Variants in ZBTB21 observed in about 807,000 individuals in gnomAD.
The protein encoded by ZBTB21 is zinc finger and BTB domain-containing protein 21.
ZBTB21 carries 10 observed loss-of-function variants against 39.8 expected under a neutral mutation model. The observed-to-expected ratio is 0.25, with a 90% CI of 0.16 to 0.43. The LOEUF is 0.43. Among genes scored for constraint, ZBTB21 ranks in the 20% least tolerant of loss-of-function variants. ZBTB21 has a pLI of 1.00. For missense variants in ZBTB21, 1,221 were observed against 1,296.3 expected, an observed-to-expected ratio of 0.94 and a Z score of 0.89; for synonymous variants, 551 against 498.8, an observed-to-expected ratio of 1.10 and a Z score of -1.40.
chr21:42,007,819 C>A (rs2065898624), intron 1 of ZBTB21: 1 of 152,264 alleles, frequency 6.6e-6, no homozygotes, highest in African/African-American at 2.4e-5. Flanking sequence ...GACTGGCTCA[C>A]CTTTATTTCT....
chr21:42,010,146 AATC>A, intron 1 of ZBTB21, 103 bp downstream of exon 1: 1 of 388,576 alleles, frequency 2.6e-6, no homozygotes. Flanking sequence ...AGAGGAGAGA[AATC>A]ACCTCAGAGT....
rs1233347313 is a variant in ZBTB21, at chr21:42,010,319, C to CGCCGCT, written c.-152_-147dup. The CGCCGCT allele has an allele frequency of 5.0e-6, 2 of 398,282 alleles. No homozygotes were observed. The highest frequency in any genetic ancestry group is 3.6e-5 in the East Asian group (1 of 28,044). The allele number at this position is 398,282 out of a possible 1,614,324, so 24.7% of individuals were successfully genotyped here. A position where few individuals can be genotyped will look rare whatever the true frequency, so the allele number is the denominator to read the frequency against. On this transcript the variant is annotated 5_prime_UTR_variant, in exon 1 of 3. Coordinates refer to ENST00000310826, the MANE Select transcript of ZBTB21 (RefSeq NM_001098402.2). ...ACACTCGGCTCGCGCGCGCCGCAGC[C>CGCCGCT]GCCGCTGCCGCTGTGATTCCATCCA...
chr21:42,008,533 ACT>A (rs1176066221), intron 1 of ZBTB21, among the ~76,000 whole-genome samples: 1 of 124,038 alleles, frequency 8.1e-6, no homozygotes, highest in Non-Finnish European at 1.7e-5. Flanking sequence ...CAAGAGTGAA[ACT>A]CTGTCAAAAA....
At chr21:42,009,005 G>A (rs1401831596) in intron 1 of ZBTB21, among the ~76,000 whole-genome samples, 1 of 152,124 alleles carries the variant, frequency 6.6e-6, no homozygotes, top group Non-Finnish European at 1.5e-5. Flanking sequence ...CTTAAACAAG[G>A]TATGAGGACC....
In ZBTB21 at chr21:41,989,333, A is replaced by C. The variant is rs2065619976; in HGVS notation, c.*1562T>G. 1 of 152,110 alleles carries C rather than the reference A, an allele frequency of 6.6e-6. No individual in the cohort carries two copies. Among genetic ancestry groups the C allele is most frequent in the Admixed American group, 6.5e-5 (1 of 15,282 alleles). 9.4% of individuals were successfully genotyped at this position (152,110 alleles called of 1,614,324 possible). A position where few individuals can be genotyped will look rare whatever the true frequency, so the allele number is the denominator to read the frequency against. On this transcript the variant is annotated 3_prime_UTR_variant, in exon 3 of 3. Coordinates refer to ENST00000310826, the MANE Select transcript of ZBTB21 (RefSeq NM_001098402.2). ...CCACTGGTATGGAATGTTGGCAATAAGATTGATGGGTACAGAGTTATTTTC... is the reference window on the plus strand; with the variant it reads ...CCACTGGTATGGAATGTTGGCAATACGATTGATGGGTACAGAGTTATTTTC...
intron 2 of ZBTB21, among the ~76,000 whole-genome samples, chr21:41,994,949 C>G (rs927965685): frequency 5.9e-5 from 9 of 152,226 alleles, no homozygotes; most frequent in African/African-American, 2.2e-4. Context: ...CACAAGTTCT[C>G]TCTTCCCTGC....
At position 41,992,695 on chromosome 21, in the gene ZBTB21, A is replaced by G. The variant is rs753001911; in HGVS notation, c.1401T>C (p.Ser467=). 8 of 1,614,054 alleles carry G rather than the reference A, an allele frequency of 5.0e-6. No individual in the cohort carries two copies. The East Asian group carries it at 1.6e-4, about 31-fold the overall frequency. The part of the protein sequence containing the change: ...ASSSSVTRDL[S]LKTEDDQKDM... ...CTTTTTGGTCATCTTCTGTTTTCAG[A>G]GACAGGTCTCTTGTGACCGACGAAG... The change falls in exon 3 of 3, where the codon TCT becomes TCC. Residue 467 remains serine (S), a synonymous_variant. Coordinates refer to ENST00000310826, the MANE Select transcript of ZBTB21 (RefSeq NM_001098402.2). The surrounding 1 kb of genome is among the most constrained non-coding windows in gnomAD (Gnocchi z 4.1).
intron 1 of ZBTB21, among the ~76,000 whole-genome samples, chr21:42,003,782 G>C (rs142911166): frequency 6.6e-6 from 1 of 152,260 alleles, no homozygotes. Flanking sequence ...TAATACTAAA[G>C]GTTCCATTCT....
chr21:42,006,797 C>T lies in ZBTB21; in HGVS notation c.-79+3455G>A, dbSNP rs149535771. 5.1e-4 allele frequency among the ~76,000 whole-genome samples: 77 copies of T among 152,260 alleles called. 2 individuals are homozygous for T. In the East Asian group the frequency reaches 0.013, roughly 25 times the overall value. On this transcript the variant is annotated intron_variant, in intron 1 of 2. Transcript: ENST00000310826. ...GTTAAAATGAGGGCTTTAGGGTGAC[C>T]CCTAAACTGATGTAACTGGTGTTCT...
chr21:42,008,540 C>CAAAAAAAAAAAAAAAAAA (rs68176203), intron 1 of ZBTB21, among the ~76,000 whole-genome samples: 55 of 60,256 alleles, frequency 9.1e-4, no homozygotes, highest in East Asian at 2.2e-3. Context: ...GAAACTCTGT[C>CAAAAAAAAAAAAAAAAAA]AAAAAAAAAA....
Position 41,992,591 on chromosome 21 carries a change from T to G in ZBTB21, c.1505A>C (p.His502Pro). 1.2e-6 allele frequency: 2 copies of G among 1,614,240 alleles called. No individual in the cohort carries two copies. The highest frequency in any genetic ancestry group is 2.2e-5 in the South Asian group (2 of 91,090). Reference sequence around the variant, plus strand: ...ATTATCTTCTGACACAGGAGACCCGTGCTCATTCACCTTTAACTTCTTAAA... The same window carrying G: ...ATTATCTTCTGACACAGGAGACCCGGGCTCATTCACCTTTAACTTCTTAAA... Reference protein sequence around the residue: ...LPFKKLKVNEHGSPVSEDNFE... With the variant: ...LPFKKLKVNEPGSPVSEDNFE... The change falls in exon 3 of 3, where the codon CAC (histidine) becomes CCC (proline). Residue 502 changes from histidine (H) to proline (P), a missense_variant. Transcript: ENST00000310826. The surrounding 1 kb of genome is among the most constrained non-coding windows in gnomAD (Gnocchi z 4.1).
At chr21:41,997,854 T>G (rs995915785) in intron 2 of ZBTB21, among the ~76,000 whole-genome samples, 5 of 151,974 alleles carry the variant, frequency 3.3e-5, no homozygotes, top group African/African-American at 1.2e-4. Context: ...ACACTTGGGT[T>G]GAGATGCCAG....
chr21:41,992,077 A>G lies in ZBTB21; in HGVS notation c.2019T>C (p.Thr673=). 1 of 1,614,224 alleles carries G rather than the reference A, an allele frequency of 6.2e-7. No homozygotes were observed. Among genetic ancestry groups the G allele is most frequent in the East Asian group, 2.2e-5 (1 of 44,894 alleles). Residue 673 remains threonine (T), a synonymous_variant, in exon 3 of 3, where the codon ACT becomes ACC. Coordinates refer to ENST00000310826, the MANE Select transcript of ZBTB21 (RefSeq NM_001098402.2). The surrounding 1 kb of genome is among the most constrained non-coding windows in gnomAD (Gnocchi z 4.1). ...GAAAGCGGTACGCTTTTCCGCAGTA[A>G]GTACAAATGTAAGCTCCTTTGGCTC... ...RSRAKGAYIC[T]YCGKAYRFLS...
At chr21:42,000,059 G>A (rs906382411) in intron 2 of ZBTB21, among the ~76,000 whole-genome samples, 2 of 152,136 alleles carry the variant, frequency 1.3e-5, no homozygotes, top group Admixed American at 6.5e-5. Context: ...AGAGGATGGT[G>A]GCTGGGACCA....
Position 42,010,350 on chromosome 21 carries a change from A to C in ZBTB21, c.-177T>G. 1 of 382,804 alleles carries C rather than the reference A, an allele frequency of 2.6e-6. No homozygotes were observed. Among genetic ancestry groups the C allele is most frequent in the Non-Finnish European group, 4.6e-6 (1 of 216,296 alleles). The allele number at this position is 382,804 out of a possible 1,614,324, so 23.7% of individuals were successfully genotyped here. A position where few individuals can be genotyped will look rare whatever the true frequency, so the allele number is the denominator to read the frequency against. On this transcript the variant is annotated 5_prime_UTR_variant, in exon 1 of 3. In the 5' UTR this introduces an upstream ATG that the reference lacks. Transcript: ENST00000310826. ...TGCCGCTGTGATTCCATCCATCTTG[A>C]ATTTGACGTCATCCCACACCAGGGA...
chr21:42,008,872 T>C (rs571552114), intron 1 of ZBTB21, among the ~76,000 whole-genome samples: 211 of 152,330 alleles, frequency 1.4e-3, no homozygotes, highest in Non-Finnish European at 2.6e-3. Context: ...GGTGCTTAAA[T>C]TTAAACTTAA....
At position 41,990,189 on chromosome 21, in the gene ZBTB21, C is replaced by T. The variant is rs1349216595; in HGVS notation, c.*706G>A. 6.6e-6 allele frequency: 1 copy of T among 152,532 alleles called. No individual in the cohort carries two copies. Among genetic ancestry groups the T allele is most frequent in the Non-Finnish European group, 1.5e-5 (1 of 68,014 alleles). 9.4% of individuals were successfully genotyped at this position (152,532 alleles called of 1,614,324 possible). On this transcript the variant is annotated 3_prime_UTR_variant, in exon 3 of 3. Transcript: ENST00000310826. ...CTTATAAACTGACTGTAGGGGACTT[C>T]CATAAATTGTTTTCATTTCCCAGGT...
chr21:41,999,442 C>T (rs1378887634), intron 2 of ZBTB21, among the ~76,000 whole-genome samples: 3 of 152,134 alleles, frequency 2.0e-5, no homozygotes, highest in African/African-American at 7.2e-5. Flanking sequence ...AAAATGTATT[C>T]CTTCCTGTGG....
Position 41,992,204 on chromosome 21 carries a change from A to G in ZBTB21, c.1892T>C (p.Ile631Thr), listed in dbSNP as rs766009068. Residue 631 changes from isoleucine (I) to threonine (T), a missense_variant, in exon 3 of 3, where the codon ATT becomes ACT. Around this residue, in one of 4 missense-constraint regions of ZBTB21, gnomAD observed 90 missense variants for 133.1 expected, o/e 0.68. Transcript: ENST00000310826. This position sits in a 1 kb window ranked among gnomAD's most constrained non-coding sequence, Gnocchi z 4.1. ...KLIDIVRERE[I>T]KKALIIKLRR... Reference sequence around the variant, plus strand: ...TAACTTAATGATCAGGGCCTTCTTAATTTCTCTCTCTCTCACTATGTCAAT... The same window carrying G: ...TAACTTAATGATCAGGGCCTTCTTAGTTTCTCTCTCTCTCACTATGTCAAT... 4.3e-6 allele frequency: 7 copies of G among 1,613,736 alleles called. No individual in the cohort carries two copies. The Admixed American group carries it at 8.3e-5, about 19-fold the overall frequency.
Sources: allele counts gnomAD v4.1 joint callset (sites outside exome capture counted in the v4.1 genomes callset), GRCh38; gene constraint gnomAD v4.1.1; regional missense constraint gnomAD v4.1.1; non-coding constraint Gnocchi (gnomAD v3.1); transcripts MANE v1.5; gene names NCBI Gene and HGNC (gene_info 2026-07-23, HGNC 2026-07-21).